RAVER2: variants seen among roughly 807,000 people sequenced by gnomAD.
The protein encoded by RAVER2 is ribonucleoprotein PTB-binding 2.
A neutral mutation model predicts 78.1 loss-of-function variants in RAVER2; 46 were observed. That is an observed-to-expected ratio of 0.59 (90% CI 0.46 to 0.75). The LOEUF is 0.75. RAVER2 is among the 30% of genes least tolerant of loss of function. The pLI is 0.00. For missense variants in RAVER2, 793 were observed against 837.5 expected, an observed-to-expected ratio of 0.95 and a Z score of 0.66; for synonymous variants, 311 against 313.3, an observed-to-expected ratio of 0.99 and a Z score of 0.08.
At chr1:64,799,040 C>T (rs747101540) in intron 5 of RAVER2, among the ~76,000 whole-genome samples, 19 of 152,302 alleles carry the variant, frequency 1.2e-4, no homozygotes, top group Middle Eastern at 6.8e-3. Flanking sequence ...ATCAGCCTAT[C>T]TAGCTATAGT....
intron 5 of RAVER2, among the ~76,000 whole-genome samples, chr1:64,797,885 A>G (rs573868679): frequency 1.7e-4 from 26 of 151,454 alleles, no homozygotes; most frequent in Non-Finnish European, 3.4e-4. Flanking sequence ...CTACTCCATC[A>G]ATAATGTGTG....
exon 8 of RAVER2, chr1:64,805,075 T>C: frequency 6.2e-7 from 1 of 1,613,996 alleles, no homozygotes; most frequent in Middle Eastern, 1.6e-4. Context: ...GAAAAAGGAG[T>C]TGGGACATCA....
exon 3 of RAVER2, chr1:64,777,897 A>T (rs1230139690): frequency 6.2e-7 from 1 of 1,614,134 alleles, no homozygotes; most frequent in East Asian, 2.2e-5. Context: ...ACTTTGCTGC[A>T]AAGGCTAGAC....
intron 5 of RAVER2, among the ~76,000 whole-genome samples, chr1:64,799,939 A>G (rs1055687114): frequency 6.6e-6 from 1 of 152,054 alleles, no homozygotes; most frequent in African/African-American, 2.4e-5. Flanking sequence ...CTTTTTGATA[A>G]TTAGAATTAG....
chr1:64,767,770 T>C (rs1317813352), intron 1 of RAVER2, among the ~76,000 whole-genome samples: 2 of 152,058 alleles, frequency 1.3e-5, no homozygotes, highest in African/African-American at 4.8e-5. Flanking sequence ...TTTGAGTGCC[T>C]ACGATATGCA....
intron 11 of RAVER2, among the ~76,000 whole-genome samples, chr1:64,821,818 G>A (rs1435678740): frequency 6.6e-6 from 1 of 152,152 alleles, no homozygotes; most frequent in Admixed American, 6.5e-5. Context: ...AAAAACCCTG[G>A]AAGACAACCT....
chr1:64,801,723 T>C (rs1653272094), intron 5 of RAVER2, among the ~76,000 whole-genome samples: 1 of 151,988 alleles, frequency 6.6e-6, no homozygotes, highest in Admixed American at 6.6e-5. Context: ...AAAAATTAGC[T>C]GAGCATGGTT....
chr1:64,801,822 C>T (rs760608151), intron 5 of RAVER2, among the ~76,000 whole-genome samples: 12 of 152,210 alleles, frequency 7.9e-5, no homozygotes, highest in Non-Finnish European at 1.6e-4. Flanking sequence ...GAGCTGAGAT[C>T]GTGCCATTGC....
At chr1:64,815,996 A>G (rs1297259640) in intron 11 of RAVER2, 1 of 152,200 alleles carries the variant, frequency 6.6e-6, no homozygotes, top group Non-Finnish European at 1.5e-5. Flanking sequence ...TTAGATAAAG[A>G]CATTAATTGT....
At chr1:64,784,252 T>C (rs1652716228) in intron 4 of RAVER2, among the ~76,000 whole-genome samples, 1 of 152,120 alleles carries the variant, frequency 6.6e-6, no homozygotes, top group African/African-American at 2.4e-5. Context: ...CGTGTGCACC[T>C]GTTAGTCTCA....
chr1:64,772,292 A>C (rs1046941057), intron 2 of RAVER2, among the ~76,000 whole-genome samples: 4 of 152,154 alleles, frequency 2.6e-5, no homozygotes, highest in African/African-American at 9.6e-5. Context: ...AATTTGTTTC[A>C]TTATGTTATT....
chr1:64,751,815 C>T (rs907418848), intron 1 of RAVER2, among the ~76,000 whole-genome samples: 10 of 151,864 alleles, frequency 6.6e-5, no homozygotes, highest in African/African-American at 2.4e-4. Flanking sequence ...GCTTAACTTT[C>T]CTCGCTCAGC....
chr1:64,755,724 GTTTTTTTTTTT>G lies in RAVER2; in HGVS notation c.249+10322_249+10332del, dbSNP rs753375050. ...CATTTCTCTGACTTTATGCTTCATA[GTTTTTTTTTTT>G]TTTTTTTTTTTTTTTTTTGTAGCCA... On this transcript the variant is annotated intron_variant, in intron 1 of 11. Transcript: ENST00000294428. Among the ~76,000 whole-genome samples the G allele has an allele frequency of 1.5e-3, 91 of 60,660 alleles. 1 individual carries two copies. The South Asian group carries it at 0.037, about 25-fold the overall frequency. 39.8% of individuals were successfully genotyped at this position (60,660 alleles called of 152,430 possible).
rs1440547934 is a variant in RAVER2, at chr1:64,745,100, G to T, written c.-73G>T. 5 of 1,008,164 alleles carry T rather than the reference G, an allele frequency of 5.0e-6. No homozygotes were observed. Among genetic ancestry groups the T allele is most frequent in the Non-Finnish European group, 4.7e-6 (4 of 845,762 alleles). 62.5% of individuals were successfully genotyped at this position (1,008,164 alleles called of 1,614,324 possible). ...CTCTGCCCGCCTCGCCCTCGCCCGG[G>T]CCTCCTCCCGCTTTCTCTCTCCGCT... is the stretch of plus-strand genomic sequence containing the variant. On this transcript the variant is annotated 5_prime_UTR_variant, in exon 1 of 12. Coordinates refer to ENST00000294428, the Ensembl canonical transcript of RAVER2. The surrounding 1 kb of genome is among the most constrained non-coding windows in gnomAD (Gnocchi z 4.3).
chr1:64,750,982 T>A (rs1272680612), intron 1 of RAVER2, among the ~76,000 whole-genome samples: 1 of 152,224 alleles, frequency 6.6e-6, no homozygotes, highest in Non-Finnish European at 1.5e-5. Flanking sequence ...CTTAAGTTTC[T>A]AGTTTTGGAA....
chr1:64,753,009 A>G (rs183381144), intron 1 of RAVER2, among the ~76,000 whole-genome samples: 6 of 152,200 alleles, frequency 3.9e-5, no homozygotes, highest in Admixed American at 3.3e-4. Flanking sequence ...GACTTCATAT[A>G]TATGCAAGCC....
At chr1:64,818,261 G>A (rs1570582098) in intron 11 of RAVER2, among the ~76,000 whole-genome samples, 1 of 152,142 alleles carries the variant, frequency 6.6e-6, no homozygotes, top group Non-Finnish European at 1.5e-5. Context: ...ACTAGGCTGG[G>A]CGCGGTGGCT....
At chr1:64,761,865 T>C (rs898124086) in intron 1 of RAVER2, among the ~76,000 whole-genome samples, 4 of 152,188 alleles carry the variant, frequency 2.6e-5, no homozygotes, top group African/African-American at 9.6e-5. Context: ...ATCCCCGGAC[T>C]TGGGGAGGCC....
At chr1:64,813,652 A>T (rs1025134349) in intron 10 of RAVER2, among the ~76,000 whole-genome samples, 7 of 152,186 alleles carry the variant, frequency 4.6e-5, no homozygotes, top group African/African-American at 1.7e-4. Flanking sequence ...TCTGTATTTT[A>T]TGAAATATCC....
Sources: gnomAD v4.1 joint callset for allele counts (sites outside exome capture counted in the v4.1 genomes callset) on GRCh38, gnomAD v4.1.1 for gene constraint, Gnocchi (gnomAD v3.1) non-coding constraint, MANE v1.5 for transcripts, NCBI Gene and HGNC (gene_info 2026-07-23, HGNC 2026-07-21) for gene names.